The following RERE variants were observed in gnomAD, a reference collection of about 807,000 sequenced individuals.
RERE encodes the protein arginine-glutamic acid dipeptide repeats protein.
A neutral mutation model predicts 146.1 loss-of-function variants in RERE; 40 were observed. The observed-to-expected ratio is 0.27, with a 90% confidence interval of 0.21 to 0.36. RERE has a LOEUF of 0.36. Ranked by LOEUF, RERE falls within the 10% of genes least tolerant of loss-of-function variation. The pLI is 1.00. For synonymous variants in RERE, 1,003 were observed against 866.0 expected, an observed-to-expected ratio of 1.16 and a Z score of -2.78; for missense variants, 1,933 against 2,138.7, an observed-to-expected ratio of 0.90 and a Z score of 1.90.
At chr1:8,809,917 A>G (rs148458829) in intron 1 of RERE, among the ~76,000 whole-genome samples, 263 of 152,348 alleles carry the variant, frequency 1.7e-3, no homozygotes, top group African/African-American at 6.1e-3. Context: ...AAGGTATTTA[A>G]GTGGTAGGAA....
intron 2 of RERE, among the ~76,000 whole-genome samples, chr1:8,643,524 C>T (rs1647209490): frequency 1.3e-5 from 2 of 152,194 alleles, no homozygotes; most frequent in Admixed American, 1.3e-4. Context: ...GCAGACTACT[C>T]AAACCCTATG....
intron 7 of RERE, among the ~76,000 whole-genome samples, chr1:8,529,939 C>A (rs1645620825): frequency 6.6e-6 from 1 of 152,168 alleles, no homozygotes; most frequent in Admixed American, 6.5e-5. Flanking sequence ...TGCTTAAGGG[C>A]ATCCCAGAGA....
At chr1:8,654,639 T>G (rs1638226934) in intron 2 of RERE, among the ~76,000 whole-genome samples, 1 of 144,878 alleles carries the variant, frequency 6.9e-6, no homozygotes, top group East Asian at 2.0e-4. Context: ...TGTTTTTTTT[T>G]GTTTTTTTTT....
intron 4 of RERE, among the ~76,000 whole-genome samples, chr1:8,613,402 T>C (rs1646814563): frequency 6.6e-6 from 1 of 152,168 alleles, no homozygotes; most frequent in Non-Finnish European, 1.5e-5. Flanking sequence ...CCTCACTGCC[T>C]GCGTTGCTTA....
At chr1:8,535,235 C>T (rs1645709732) in intron 7 of RERE, among the ~76,000 whole-genome samples, 1 of 152,152 alleles carries the variant, frequency 6.6e-6, no homozygotes, top group South Asian at 2.1e-4. Flanking sequence ...AGCCAAGAAG[C>T]AACTGAAAAA....
chr1:8,745,728 A>G (rs538509550), intron 1 of RERE, among the ~76,000 whole-genome samples: 2 of 152,176 alleles, frequency 1.3e-5, no homozygotes, highest in East Asian at 3.9e-4. Context: ...TGGCATACAT[A>G]CTTTTCCACC....
intron 4 of RERE, among the ~76,000 whole-genome samples, chr1:8,610,562 G>A (rs1366698794): frequency 1.3e-5 from 2 of 151,904 alleles, no homozygotes; most frequent in African/African-American, 2.4e-5. Context: ...CACTCCAGAC[G>A]TTGCTCTGGG....
intron 11 of RERE, among the ~76,000 whole-genome samples, chr1:8,456,540 A>G (rs2124092165): frequency 6.6e-6 from 1 of 152,334 alleles, no homozygotes; most frequent in South Asian, 2.1e-4. Flanking sequence ...CCGTAAAAAC[A>G]CTGTTATGAG....
At chr1:8,614,403 G>T (rs1646827380) in intron 4 of RERE, among the ~76,000 whole-genome samples, 158 bp downstream of exon 4, 1 of 152,062 alleles carries the variant, frequency 6.6e-6, no homozygotes, top group African/African-American at 2.4e-5. Flanking sequence ...GGCAAGTCCC[G>T]TATTTTGCTT....
At chr1:8,756,465 C>G (rs1388605715) in intron 1 of RERE, among the ~76,000 whole-genome samples, 1 of 152,110 alleles carries the variant, frequency 6.6e-6, no homozygotes, top group Non-Finnish European at 1.5e-5. Flanking sequence ...GACTCTGCAT[C>G]TGAAGGGAGG....
chr1:8,357,873 A>G (rs1044913042), intron 20 of RERE, among the ~76,000 whole-genome samples: 3 of 152,242 alleles, frequency 2.0e-5, no homozygotes, highest in Non-Finnish European at 2.9e-5. Context: ...CAAAGGCCAC[A>G]TGACACTGCT....
At chr1:8,634,631 T>C (rs1364246808) in intron 2 of RERE, among the ~76,000 whole-genome samples, 1 of 152,236 alleles carries the variant, frequency 6.6e-6, no homozygotes, top group Non-Finnish European at 1.5e-5. Flanking sequence ...TACCCATACC[T>C]ACTCCTTCTC....
intron 10 of RERE, among the ~76,000 whole-genome samples, chr1:8,470,869 A>G (rs1258253147): frequency 9.2e-6 from 1 of 109,220 alleles, no homozygotes; most frequent in African/African-American, 3.6e-5. Context: ...ACCAGGCTGG[A>G]GTGCAGTGGC....
intron 7 of RERE, chr1:8,512,524 T>A (rs934195405): frequency 5.3e-5 from 8 of 152,322 alleles, no homozygotes; most frequent in African/African-American, 1.9e-4. Flanking sequence ...TGGGACTCCA[T>A]CTGTTCCAGC....
At position 8,550,528 on chromosome 1, in the gene RERE, TTTGTTG is replaced by T. The variant is rs371325081; in HGVS notation, c.725+5941_725+5946del. Among the ~76,000 whole-genome samples, 303 of 152,128 alleles carry T rather than the reference TTTGTTG, an allele frequency of 2.0e-3. 1 individual carries two copies. The highest frequency in any genetic ancestry group is 3.4e-3 in the Non-Finnish European group (230 of 67,966). The stretch of plus-strand genomic sequence containing the variant: ...AACTTGCAGGAGCTAAAGGGTGTTT[TTTGTTG>T]TTGTTGTTGTTGTTGTTTTTTGTTT... On this transcript the variant is annotated intron_variant, in intron 6 of 22. Transcript: ENST00000400908.
intron 9 of RERE, among the ~76,000 whole-genome samples, chr1:8,496,981 C>A (rs995409543): frequency 6.6e-6 from 1 of 152,134 alleles, no homozygotes; most frequent in African/African-American, 2.4e-5. Context: ...ACCTATCAAC[C>A]CGTCATCTAG....
chr1:8,383,402 C>A (rs1369818250), intron 12 of RERE, among the ~76,000 whole-genome samples: 2 of 151,798 alleles, frequency 1.3e-5, no homozygotes, highest in African/African-American at 4.8e-5. Context: ...CTATATCAGG[C>A]AACTATGGGG....
At chr1:8,564,939 T>A (rs1026286161) in intron 4 of RERE, among the ~76,000 whole-genome samples, 1 of 151,306 alleles carries the variant, frequency 6.6e-6, no homozygotes. Flanking sequence ...ACAACATGAA[T>A]TGAACTGGAG....
chr1:8,366,882 TAA>T (rs2124380457), intron 12 of RERE, among the ~76,000 whole-genome samples: 1 of 74,254 alleles, frequency 1.3e-5, no homozygotes, highest in South Asian at 3.7e-4. Flanking sequence ...CATCCCAAGA[TAA>T]AGTCTCTTTA....
Sources: allele counts gnomAD v4.1 joint callset (sites outside exome capture counted in the v4.1 genomes callset), GRCh38; gene constraint gnomAD v4.1.1; transcripts MANE v1.5; gene names NCBI Gene and HGNC (gene_info 2026-07-23, HGNC 2026-07-21).